KIFC3: variants seen among roughly 807,000 people sequenced by gnomAD.
The protein encoded by KIFC3 is kinesin-like protein KIFC3.
A neutral mutation model predicts 101.8 loss-of-function variants in KIFC3; 60 were observed. The observed-to-expected ratio is 0.59, with a 90% CI of 0.48 to 0.73. KIFC3 has a LOEUF of 0.73. Among genes scored for constraint, KIFC3 ranks in the 30% least tolerant of loss-of-function variants. The pLI is 0.00. For synonymous variants in KIFC3, 476 were observed against 482.7 expected (o/e 0.99, Z 0.18); for missense variants, 966 against 1,137.1 (o/e 0.85, Z 2.16).
intron 16 of KIFC3, 85 bp from the exon 17 acceptor site, chr16:57,760,501 CAG>C (rs1463214450): frequency 6.7e-7 from 1 of 1,491,152 alleles, no homozygotes; most frequent in African/African-American, 1.4e-5. Flanking sequence ...CTGGGGCCGT[CAG>C]AAGGCTTCCT....
At chr16:57,775,974 G>C (rs555921413) in intron 3 of KIFC3, 232 of 985,512 alleles carry the variant, frequency 2.4e-4, no homozygotes, top group Middle Eastern at 1.0e-3. Context: ...GGGCCTGTCT[G>C]CCGGCTTGAC....
In KIFC3 at chr16:57,765,572, T is replaced by G; in HGVS notation, c.1399A>C (p.Asn467His). The change falls in exon 11 of 20, where the codon AAT becomes CAT. Residue 467 changes from asparagine to histidine, a missense_variant. Around this residue, in one of 2 missense-constraint regions of KIFC3, gnomAD observed 689 missense variants for 884.6 expected, o/e 0.78. Transcript: ENST00000445690. ...TCGTCGGCATCGAAAGTCACAGCAT[T>G]GGTGGCCTCAGGTCCTTCCCCATCC... ...KEDGEGPEAT[N>H]AVTFDADDDS... The G allele has an allele frequency of 6.2e-7, 1 of 1,610,058 alleles. No homozygotes were observed. Among genetic ancestry groups the G allele is most frequent in the Non-Finnish European group, 8.5e-7 (1 of 1,178,132 alleles).
At chr16:57,856,176 A>AT (rs2149334539) in intron 1 of KIFC3, among the ~76,000 whole-genome samples, 1 of 146,016 alleles carries the variant, frequency 6.8e-6, no homozygotes, top group African/African-American at 2.6e-5. Context: ...TAAAATTTAA[A>AT]TTTAAAAAAA....
intron 3 of KIFC3, among the ~76,000 whole-genome samples, chr16:57,789,414 A>T (rs1281190911): frequency 6.6e-6 from 1 of 152,268 alleles, no homozygotes; most frequent in Non-Finnish European, 1.5e-5. Flanking sequence ...CCGCTCACAC[A>T]GAAAGATGCC....
intron 1 of KIFC3, among the ~76,000 whole-genome samples, chr16:57,845,600 T>A (rs2149319049): frequency 6.6e-6 from 1 of 152,162 alleles, no homozygotes; most frequent in African/African-American, 2.4e-5. Flanking sequence ...TCCACAGGGC[T>A]CTCTCCCTCC....
intron 1 of KIFC3, among the ~76,000 whole-genome samples, chr16:57,826,036 T>C (rs1465872997): frequency 6.6e-6 from 1 of 152,240 alleles, no homozygotes; most frequent in Non-Finnish European, 1.5e-5. Flanking sequence ...CAGTGCAAAC[T>C]ATGGTGAAAA....
intron 1 of KIFC3, among the ~76,000 whole-genome samples, chr16:57,828,560 A>G (rs1555631184): frequency 6.6e-6 from 1 of 152,220 alleles, no homozygotes; most frequent in Non-Finnish European, 1.5e-5. Context: ...GCCCCGCGGC[A>G]TTGGACCAGG....
chr16:57,792,220 G>C (rs1488065418), intron 3 of KIFC3, among the ~76,000 whole-genome samples: 3 of 152,168 alleles, frequency 2.0e-5, no homozygotes, highest in Non-Finnish European at 4.4e-5. Context: ...GCTTTCTTGG[G>C]GGGTGGGCCT....
At chr16:57,786,721 G>C (rs868927853) in intron 3 of KIFC3, among the ~76,000 whole-genome samples, 2 of 152,164 alleles carry the variant, frequency 1.3e-5, no homozygotes, top group Non-Finnish European at 2.9e-5. Flanking sequence ...GCTGGGGTTG[G>C]GGGGATCTTA....
At chr16:57,842,769 C>A (rs759194166) in intron 1 of KIFC3, among the ~76,000 whole-genome samples, 1 of 152,154 alleles carries the variant, frequency 6.6e-6, no homozygotes, top group Non-Finnish European at 1.5e-5. Flanking sequence ...TGAGATCACA[C>A]AGCCAGTACA....
Position 57,762,285 on chromosome 16 carries a change from A to C in KIFC3, c.1618-15T>G. 1 of 1,530,984 alleles carries C rather than the reference A, an allele frequency of 6.5e-7. No homozygotes were observed. The allele number at this position is 1,530,984 out of a possible 1,614,324, so 94.8% of individuals were successfully genotyped here. A position where few individuals can be genotyped will look rare whatever the true frequency, so the allele number is the denominator to read the frequency against. ...TCAGCGGTCCCCTGGGGACAGAAGG[A>C]AAGGCCCCAGTAAGCCAGGCCTGTC... On this transcript the variant is annotated splice_polypyrimidine_tract_variant and intron_variant, in intron 12 of 19. Coordinates refer to ENST00000445690, the MANE Select transcript of KIFC3 (RefSeq NM_001130100.2).
chr16:57,775,732 C>T, intron 3 of KIFC3: 3 of 985,560 alleles, frequency 3.0e-6, no homozygotes, highest in Non-Finnish European at 3.6e-6. Context: ...CACAAAGGGG[C>T]AGCAGGCACA....
At chr16:57,806,779 A>G (rs2054947931), upstream of KIFC3, among the ~76,000 whole-genome samples, 1 of 152,246 alleles carries the variant, frequency 6.6e-6, no homozygotes. Flanking sequence ...GCTTCTGGGT[A>G]ACAGAACATT....
intron 1 of KIFC3, among the ~76,000 whole-genome samples, chr16:57,819,791 G>C (rs13332832): frequency 0.46 from 70,210 of 151,500 alleles, 17,358 homozygotes; most frequent in African/African-American, 0.64. Flanking sequence ...GAACTCCTGA[G>C]CTCGTGATCT....
Position 57,820,557 on chromosome 16 carries a change from G to A in KIFC3, c.109-22275C>T, listed in dbSNP as rs562439065. ...AGCCTCCCAAGTGCTGGCATTATGG[G>A]TGTGAACCACTGTGCCCAGCCCAGA... On this transcript the variant is annotated intron_variant, in intron 1 of 2. Coordinates refer to the KIFC3 transcript ENST00000563028. Among the ~76,000 whole-genome samples the A allele has an allele frequency of 2.6e-5, 4 of 152,356 alleles. No individual in the cohort carries two copies. The South Asian group carries it at 8.3e-4, about 32-fold the overall frequency.
chr16:57,761,725 T>C (rs1382749785), intron 13 of KIFC3, among the ~76,000 whole-genome samples, 189 bp from the exon 14 acceptor site: 1 of 150,738 alleles, frequency 6.6e-6, no homozygotes, highest in Non-Finnish European at 1.5e-5. Context: ...CACTCCACAA[T>C]ACAATGAGCC....
chr16:57,807,163 G>T (rs2054955857), upstream of KIFC3, among the ~76,000 whole-genome samples: 1 of 151,962 alleles, frequency 6.6e-6, no homozygotes, highest in Non-Finnish European at 1.5e-5. Context: ...GTTGCAGTGA[G>T]CAAAGATCAT....
intron 18 of KIFC3, 69 bp from the exon 19 acceptor site, chr16:57,759,222 G>C: frequency 6.6e-7 from 1 of 1,525,636 alleles, no homozygotes; most frequent in Non-Finnish European, 8.9e-7. Context: ...AGACCCTGCT[G>C]CTGCTACCCC....
intron 3 of KIFC3, among the ~76,000 whole-genome samples, chr16:57,786,458 C>T (rs1049515238): frequency 6.6e-6 from 1 of 151,842 alleles, no homozygotes; most frequent in South Asian, 2.1e-4. Flanking sequence ...GCTTCCAGGG[C>T]GCCAAGAATG....
Sources: gnomAD v4.1 joint callset for allele counts (sites outside exome capture counted in the v4.1 genomes callset) on GRCh38, gnomAD v4.1.1 for gene constraint, gnomAD v4.1.1 regional missense constraint, MANE v1.5 for transcripts, NCBI Gene and HGNC (gene_info 2026-07-23, HGNC 2026-07-21) for gene names.